MERTK: variants seen among roughly 807,000 people sequenced by gnomAD.
The protein encoded by MERTK is tyrosine-protein kinase Mer.
MERTK carries 69 observed loss-of-function variants against 99.3 expected under a neutral mutation model. That is an observed-to-expected ratio of 0.70 (90% CI 0.57 to 0.85). MERTK has a LOEUF of 0.85. Ranked by LOEUF, MERTK falls within the 40% of genes least tolerant of loss-of-function variation. The pLI, the probability that MERTK is intolerant of heterozygous loss-of-function variation, is 0.00. For synonymous variants in MERTK, 426 were observed against 467.6 expected (o/e 0.91, Z 1.15); for missense variants, 1,125 against 1,249.4 (o/e 0.90, Z 1.50).
chr2:111,996,846 C>G (rs1412380290), intron 9 of MERTK: 2 of 190,894 alleles, frequency 1.0e-5, no homozygotes, highest in Non-Finnish European at 2.2e-5. Flanking sequence ...TATATTTTCT[C>G]TGTATCATAA....
chr2:111,956,281 T>C (rs1685147265), intron 4 of MERTK, among the ~76,000 whole-genome samples: 1 of 152,158 alleles, frequency 6.6e-6, no homozygotes, highest in African/African-American at 2.4e-5. Flanking sequence ...AAATAATGAA[T>C]GTAAAGCCCT....
chr2:111,960,480 C>CAAAAAAA (rs61179378), intron 4 of MERTK, among the ~76,000 whole-genome samples: 4 of 75,936 alleles, frequency 5.3e-5, no homozygotes, highest in Non-Finnish European at 7.9e-5. Flanking sequence ...GTCTCAGTCT[C>CAAAAAAA]AAAAAAAAAA....
intron 1 of MERTK, among the ~76,000 whole-genome samples, chr2:111,914,479 A>C (rs1419921380): frequency 6.6e-6 from 1 of 152,094 alleles, no homozygotes; most frequent in Non-Finnish European, 1.5e-5. Flanking sequence ...GGGTTTCACC[A>C]TGTTGGCCAT....
At chr2:111,954,619 A>G (rs1685115894) in intron 4 of MERTK, among the ~76,000 whole-genome samples, 1 of 152,238 alleles carries the variant, frequency 6.6e-6, no homozygotes, top group Non-Finnish European at 1.5e-5. Flanking sequence ...GGACATCATG[A>G]TAATGAAGTA....
In MERTK at chr2:111,975,269, C is replaced by T. The variant is rs780336753; in HGVS notation, c.961-20C>T. 1.2e-6 allele frequency: 2 copies of T among 1,613,894 alleles called. No homozygotes were observed. Among genetic ancestry groups the T allele is most frequent in the East Asian group, 2.2e-5 (1 of 44,882 alleles). Reference sequence around the variant, plus strand: ...CACCACCTTACTAATGCCCGGTCCTCATGTTTACTCTTCGTTTAGGTCAAG... The same window carrying T: ...CACCACCTTACTAATGCCCGGTCCTTATGTTTACTCTTCGTTTAGGTCAAG... On this transcript the variant is annotated intron_variant, in intron 6 of 18. Coordinates refer to ENST00000295408, the MANE Select transcript of MERTK (RefSeq NM_006343.3).
intron 5 of MERTK, 149 bp from the exon 6 acceptor site, chr2:111,967,988 C>T (rs992307278): frequency 8.6e-6 from 6 of 694,660 alleles, no homozygotes; most frequent in Non-Finnish European, 1.6e-5. Flanking sequence ...TACCCTCAGG[C>T]ATAGGGAGGC....
At chr2:111,941,728 C>T (rs1431112207) in intron 2 of MERTK, among the ~76,000 whole-genome samples, 1 of 152,072 alleles carries the variant, frequency 6.6e-6, no homozygotes, top group Non-Finnish European at 1.5e-5. Context: ...AAAATCTTTG[C>T]TGTAATATAG....
intron 10 of MERTK, 97 bp downstream of exon 10, chr2:111,997,573 C>T: frequency 7.1e-7 from 1 of 1,416,382 alleles, no homozygotes; most frequent in Non-Finnish European, 9.8e-7. Flanking sequence ...GCTTACATTG[C>T]TCCCAGATGG....
At chr2:111,944,934 A>G (rs1223015555) in intron 2 of MERTK, 26 bp from the exon 3 acceptor site, 1 of 1,592,128 alleles carries the variant, frequency 6.3e-7, no homozygotes, top group Non-Finnish European at 8.6e-7. Context: ...GTCACTGTAA[A>G]TATCTTCATG....
intron 8 of MERTK, among the ~76,000 whole-genome samples, chr2:111,989,612 C>T (rs896256664): frequency 1.3e-5 from 2 of 152,304 alleles, no homozygotes; most frequent in Admixed American, 1.3e-4. Context: ...GCCTCGGCCT[C>T]CCAAAGTGCT....
chr2:111,901,780 C>T (rs991405950), intron 1 of MERTK, among the ~76,000 whole-genome samples: 14 of 151,986 alleles, frequency 9.2e-5, no homozygotes, highest in Admixed American at 1.3e-4. Context: ...GTCTTGAACT[C>T]CTGGGCTCAA....
intron 2 of MERTK, among the ~76,000 whole-genome samples, chr2:111,937,510 C>CCATCTCCATG (rs964577852): frequency 6.6e-6 from 1 of 152,120 alleles, no homozygotes. Context: ...TTTGGGGCCC[C>CCATCTCCATG]CATCTCCATG....
Position 112,028,141 on chromosome 2 carries a change from A to C in MERTK, c.2487-210A>C, listed in dbSNP as rs113717217. On this transcript the variant is annotated intron_variant, in intron 18 of 18. Coordinates refer to ENST00000295408, the MANE Select transcript of MERTK (RefSeq NM_006343.3). ...TAACTGCCACATATGTGCTCTTCCT[A>C]GAAACAGAATCACTTTTTTGTCAAA... 5.8e-4 allele frequency: 354 copies of C among 614,070 alleles called. 2 individuals are homozygous for C. In the African/African-American group the frequency reaches 6.0e-3, roughly 10 times the overall value. 38.0% of individuals were successfully genotyped at this position (614,070 alleles called of 1,614,324 possible).
intron 11 of MERTK, among the ~76,000 whole-genome samples, chr2:112,001,540 G>A (rs1278651633): frequency 6.6e-6 from 1 of 152,320 alleles, no homozygotes; most frequent in South Asian, 2.1e-4. Context: ...TGGCAGAAAA[G>A]AGGAACCTTC....
chr2:111,979,514 C>G (rs1333943911), intron 7 of MERTK, among the ~76,000 whole-genome samples: 1 of 151,822 alleles, frequency 6.6e-6, no homozygotes, highest in East Asian at 1.9e-4. Context: ...AAATGCAAGT[C>G]TTTTGGTCCT....
intron 1 of MERTK, among the ~76,000 whole-genome samples, chr2:111,926,285 C>G (rs988030856): frequency 1.5e-4 from 23 of 152,180 alleles, no homozygotes; most frequent in African/African-American, 5.5e-4. Context: ...TTTTTGCCTT[C>G]TAAGAAAGGG....
chr2:111,957,011 T>C (rs1474491984), intron 4 of MERTK, among the ~76,000 whole-genome samples: 1 of 149,658 alleles, frequency 6.7e-6, no homozygotes, highest in African/African-American at 2.5e-5. Flanking sequence ...CACTGCAAGC[T>C]CCACCTCCCG....
Position 111,994,239 on chromosome 2 carries a change from C to G in MERTK, c.1297-12C>G, listed in dbSNP as rs913190670. Reference sequence around the variant, plus strand: ...CAGTGTTTTCATTTCCTCTCTTCCTCTCTGTCTCCAGAAAGAGCTCTTGGA... The same window carrying G: ...CAGTGTTTTCATTTCCTCTCTTCCTGTCTGTCTCCAGAAAGAGCTCTTGGA... On this transcript the variant is annotated splice_polypyrimidine_tract_variant and intron_variant, in intron 8 of 18. Coordinates refer to ENST00000295408, the MANE Select transcript of MERTK (RefSeq NM_006343.3). The G allele has an allele frequency of 6.2e-7, 1 of 1,613,568 alleles. No individual in the cohort carries two copies. The highest frequency in any genetic ancestry group is 8.5e-7 in the Non-Finnish European group (1 of 1,180,006).
At chr2:112,015,652 G>A (rs371345357) in intron 15 of MERTK, among the ~76,000 whole-genome samples, 15 of 151,438 alleles carry the variant, frequency 9.9e-5, no homozygotes, top group African/African-American at 2.4e-4. Flanking sequence ...CTCTTAACAC[G>A]GGCAAAAATA....
Sources: allele counts gnomAD v4.1 joint callset (sites outside exome capture counted in the v4.1 genomes callset), GRCh38; gene constraint gnomAD v4.1.1; transcripts MANE v1.5; gene names NCBI Gene and HGNC (gene_info 2026-07-23, HGNC 2026-07-21).